FEZ1: variants seen among roughly 807,000 people sequenced by gnomAD.
FEZ1 encodes the protein fasciculation and elongation protein zeta 1, also known as fasciculation and elongation protein zeta-1.
A neutral mutation model predicts 49.3 loss-of-function variants in FEZ1; 20 were observed. The observed-to-expected ratio is 0.41, with a 90% CI of 0.29 to 0.59. FEZ1 has a LOEUF of 0.59. Among genes scored for constraint, FEZ1 ranks in the 20% least tolerant of loss-of-function variants. The pLI is 0.36. For synonymous variants in FEZ1, 170 were observed against 180.9 expected (o/e 0.94, Z 0.48); for missense variants, 413 against 476.0 (o/e 0.87, Z 1.23).
At position 125,495,655 on chromosome 11, in the gene FEZ1, G is replaced by A. The variant is rs188864945; in HGVS notation, c.-46+466C>T. 9.0e-5 allele frequency: 38 copies of A among 422,060 alleles called. No individual in the cohort carries two copies. The highest frequency in any genetic ancestry group is 5.9e-4 in the African/African-American group (29 of 48,980). The allele number at this position is 422,060 out of a possible 1,614,324, so 26.1% of individuals were successfully genotyped here. A position where few individuals can be genotyped will look rare whatever the true frequency, so the allele number is the denominator to read the frequency against. On this transcript the variant is annotated intron_variant, in intron 1 of 9. Coordinates refer to ENST00000278919, the MANE Select transcript of FEZ1 (RefSeq NM_005103.5). The surrounding 1 kb of genome is among the most constrained non-coding windows in gnomAD (Gnocchi z 4.2). Reference sequence around the variant, plus strand: ...ACAAAGATGATCTTGGGGCGTTTACGGTGACTGGACCAGATAACGGTCCCG... The same window carrying A: ...ACAAAGATGATCTTGGGGCGTTTACAGTGACTGGACCAGATAACGGTCCCG...
At chr11:125,474,274 G>A (rs185543718) in intron 3 of FEZ1, among the ~76,000 whole-genome samples, 18 of 147,980 alleles carry the variant, frequency 1.2e-4, no homozygotes, top group South Asian at 4.2e-4. Flanking sequence ...TGCTGACCTC[G>A]TGATCCACCC....
chr11:125,456,194 G>A, intron 5 of FEZ1, 88 bp from the exon 6 acceptor site: 1 of 1,273,272 alleles, frequency 7.9e-7, no homozygotes, highest in South Asian at 1.5e-5. Flanking sequence ...CAATCAAGAT[G>A]GGACTGCCCC....
chr11:125,469,542 G>A (rs1957165171), intron 3 of FEZ1, among the ~76,000 whole-genome samples: 1 of 152,098 alleles, frequency 6.6e-6, no homozygotes, highest in African/African-American at 2.4e-5. Flanking sequence ...TTACAGGCGT[G>A]AGCTATCACC....
Position 125,443,773 on chromosome 11 carries a change from G to C in FEZ1, c.*2322C>G, listed in dbSNP as rs965402127. 6.6e-6 allele frequency among the ~76,000 whole-genome samples: 1 copy of C among 152,100 alleles called. No individual in the cohort carries two copies. Among genetic ancestry groups the C allele is most frequent in the Non-Finnish European group, 1.5e-5 (1 of 68,024 alleles). On this transcript the variant is annotated 3_prime_UTR_variant, in exon 10 of 10. Coordinates refer to ENST00000278919, the MANE Select transcript of FEZ1 (RefSeq NM_005103.5). ...GACGGACAAACAAGAGAGAAAGGAG[G>C]AGCCACTGTTTTCAGCCTGCCCTGC...
chr11:125,452,428 G>A lies in FEZ1; in HGVS notation c.1021-19C>T. 1 of 1,570,228 alleles carries A rather than the reference G, an allele frequency of 6.4e-7. No homozygotes were observed. Among genetic ancestry groups the A allele is most frequent in the Non-Finnish European group, 8.8e-7 (1 of 1,140,210 alleles). On this transcript the variant is annotated intron_variant, in intron 7 of 9. Transcript: ENST00000278919. Reference sequence around the variant, plus strand: ...TCAGATACTGCAAGACAAACAGCATGCAGGGGGCTTGAGACAGAAGACATG... The same window carrying A: ...TCAGATACTGCAAGACAAACAGCATACAGGGGGCTTGAGACAGAAGACATG...
chr11:125,466,188 C>T (rs983703720), intron 3 of FEZ1, among the ~76,000 whole-genome samples: 7 of 152,108 alleles, frequency 4.6e-5, no homozygotes, highest in African/African-American at 1.7e-4. Context: ...TCAGCTAAAA[C>T]TGCTAGTTGT....
chr11:125,466,926 G>A lies in FEZ1; in HGVS notation c.412-3356C>T, dbSNP rs140834717. Among the ~76,000 whole-genome samples the A allele has an allele frequency of 3.4e-3, 516 of 150,970 alleles. 1 individual carries two copies. The highest frequency in any genetic ancestry group is 0.012 in the African/African-American group (489 of 41,056). On this transcript the variant is annotated intron_variant, in intron 3 of 9. Transcript: ENST00000278919. The stretch of plus-strand genomic sequence containing the variant: ...ATATTTTCCTCCCCTTACCACTATT[G>A]TTTGACATGAGTGGTTGCCCCCCTG...
chr11:125,455,712 G>GT, intron 6 of FEZ1, 123 bp downstream of exon 6: 1 of 965,818 alleles, frequency 1.0e-6, no homozygotes, highest in South Asian at 1.3e-5. Flanking sequence ...GTCTGTCACA[G>GT]TGTGCTGCTC....
intron 2 of FEZ1, among the ~76,000 whole-genome samples, chr11:125,482,974 T>TAAAAAAA (rs56169482): frequency 7.0e-5 from 2 of 28,740 alleles, no homozygotes; most frequent in Non-Finnish European, 1.2e-4. Context: ...CAAGACACTG[T>TAAAAAAA]AAAAAAAAAA....
rs1030987152 is a variant in FEZ1, at chr11:125,495,566, G to T, written c.-46+555C>A. The T allele has an allele frequency of 1.3e-5, 6 of 470,888 alleles. No homozygotes were observed. Among genetic ancestry groups the T allele is most frequent in the African/African-American group, 1.2e-4 (6 of 50,084 alleles). The allele number at this position is 470,888 out of a possible 1,614,324, so 29.2% of individuals were successfully genotyped here. On this transcript the variant is annotated intron_variant, in intron 1 of 9. Transcript: ENST00000278919. The surrounding 1 kb of genome is among the most constrained non-coding windows in gnomAD (Gnocchi z 4.2). ...CGGTTCTGACACTGCAGGAATGCGCGGTCTGGGGAAGGCTCCGCACTCTGG... is the reference window on the plus strand; with the variant it reads ...CGGTTCTGACACTGCAGGAATGCGCTGTCTGGGGAAGGCTCCGCACTCTGG...
In FEZ1 at chr11:125,495,541, C is replaced by T. The variant is rs746829938; in HGVS notation, c.-46+580G>A. 1.3e-5 allele frequency: 6 copies of T among 471,116 alleles called. No homozygotes were observed. Among genetic ancestry groups the T allele is most frequent in the South Asian group, 6.2e-5 (4 of 64,572 alleles). 29.2% of individuals were successfully genotyped at this position (471,116 alleles called of 1,614,324 possible). On this transcript the variant is annotated intron_variant, in intron 1 of 9. Coordinates refer to ENST00000278919, the MANE Select transcript of FEZ1 (RefSeq NM_005103.5). This position sits in a 1 kb window ranked among gnomAD's most constrained non-coding sequence, Gnocchi z 4.2. Reference sequence around the variant, plus strand: ...TCCCGGCGTCTGCGGCCGCTGCCAGCGGTTCTGACACTGCAGGAATGCGCG... The same window carrying T: ...TCCCGGCGTCTGCGGCCGCTGCCAGTGGTTCTGACACTGCAGGAATGCGCG...
intron 2 of FEZ1, chr11:125,488,815 T>C (rs2135786721): frequency 2.0e-6 from 2 of 984,566 alleles, no homozygotes; most frequent in Non-Finnish European, 2.4e-6. Flanking sequence ...TTCTAGTCCC[T>C]CCTGAAAGAG....
intron 3 of FEZ1, among the ~76,000 whole-genome samples, chr11:125,466,821 C>A (rs1442577359): frequency 6.6e-6 from 1 of 151,978 alleles, no homozygotes; most frequent in Non-Finnish European, 1.5e-5. Flanking sequence ...GACTATTAAC[C>A]AGTGTATTTT....
At chr11:125,485,214 C>T (rs1957316161) in intron 2 of FEZ1, among the ~76,000 whole-genome samples, 1 of 152,164 alleles carries the variant, frequency 6.6e-6, no homozygotes. Context: ...CCCTGTATAA[C>T]AGAAAAGGCT....
At chr11:125,487,190 GAGGGGTTTTGAT>G (rs1485225524) in intron 2 of FEZ1, among the ~76,000 whole-genome samples, 3 of 152,206 alleles carry the variant, frequency 2.0e-5, no homozygotes, top group Non-Finnish European at 4.4e-5. Context: ...TGAGGCAGAG[GAGGGGTTTTGAT>G]AGGGGGGAAA....
intron 2 of FEZ1, chr11:125,488,769 C>A (rs1048298151): frequency 1.0e-6 from 1 of 985,214 alleles, no homozygotes; most frequent in Admixed American, 6.2e-5. Context: ...CTAAGACATC[C>A]TTCTTTAATT....
At chr11:125,465,862 C>T (rs1957124475) in intron 3 of FEZ1, among the ~76,000 whole-genome samples, 1 of 152,136 alleles carries the variant, frequency 6.6e-6, no homozygotes. Context: ...AGACTTTGCT[C>T]TGTTCCAACA....
chr11:125,475,415 G>A (rs1591595486), intron 3 of FEZ1, among the ~76,000 whole-genome samples: 1 of 152,110 alleles, frequency 6.6e-6, no homozygotes, highest in East Asian at 1.9e-4. Flanking sequence ...CCATGAAGAT[G>A]TCTAAATTTT....
Position 125,448,519 on chromosome 11 carries a change from G to T in FEZ1, c.1145C>A (p.Thr382Lys). The T allele has an allele frequency of 6.2e-7, 1 of 1,611,508 alleles. No individual in the cohort carries two copies. The highest frequency in any genetic ancestry group is 8.5e-7 in the Non-Finnish European group (1 of 1,177,692). ...GCTCTTACCTTTTAAAATGTAGTCC[G>T]TTAGCAAAGTAGGCACCTTCTCATT... The part of the protein sequence containing the change: ...EDNEKVPTLL[T>K]DYILKVLCPT The change falls in exon 9 of 10, where the codon ACG (threonine) becomes AAG (lysine). Residue 382 changes from threonine (T) to lysine (K), a missense_variant. Transcript: ENST00000278919.
Sources: gnomAD v4.1 joint callset for allele counts (sites outside exome capture counted in the v4.1 genomes callset) on GRCh38, gnomAD v4.1.1 for gene constraint, Gnocchi (gnomAD v3.1) non-coding constraint, MANE v1.5 for transcripts, NCBI Gene and HGNC (gene_info 2026-07-23, HGNC 2026-07-21) for gene names.